The following PCDHA6 variants were observed in gnomAD, a reference collection of about 807,000 sequenced individuals.
The protein encoded by PCDHA6 is protocadherin alpha-6.
Under a neutral mutation model 60.3 loss-of-function variants are expected in PCDHA6, and 55 were observed. The ratio of observed to expected loss-of-function variants is 0.91; its 90% CI spans 0.73 to 1.14. PCDHA6 has a LOEUF of 1.14. Ranked by LOEUF, PCDHA6 falls within the 50% of genes most tolerant of loss-of-function variation. PCDHA6 has a pLI of 0.00. For missense variants in PCDHA6, 1,327 were observed against 1,256.5 expected, an observed-to-expected ratio of 1.06 and a Z score of -0.85; for synonymous variants, 652 against 557.9, an observed-to-expected ratio of 1.17 and a Z score of -2.38.
chr5:140,876,498 C>T, intron 1 of PCDHA6: 4 of 1,613,918 alleles, frequency 2.5e-6, no homozygotes, highest in Non-Finnish European at 2.5e-6. Flanking sequence ...AAGTTCTGGA[C>T]GTGAATGACA....
At chr5:140,903,454 A>G (rs1554190971) in intron 1 of PCDHA6, among the ~76,000 whole-genome samples, 1 of 152,208 alleles carries the variant, frequency 6.6e-6, no homozygotes, top group Non-Finnish European at 1.5e-5. Flanking sequence ...ATCTGATCAA[A>G]CTTAAAATAT....
intron 1 of PCDHA6, among the ~76,000 whole-genome samples, chr5:140,913,855 T>C (rs1554196077): frequency 6.6e-6 from 1 of 152,220 alleles, no homozygotes; most frequent in Admixed American, 6.5e-5. Context: ...TTCAGGAGCA[T>C]ATTGTTTAAT....
chr5:140,933,503 AAAGACT>A (rs2089194435), intron 1 of PCDHA6, among the ~76,000 whole-genome samples: 1 of 152,098 alleles, frequency 6.6e-6, no homozygotes, highest in Non-Finnish European at 1.5e-5. Flanking sequence ...ATTGTTAAGC[AAAGACT>A]ACAGCTGTTT....
intron 1 of PCDHA6, among the ~76,000 whole-genome samples, chr5:140,932,733 C>A (rs2088585680): frequency 1.3e-5 from 2 of 151,034 alleles, no homozygotes; most frequent in Admixed American, 6.6e-5. Context: ...TAATATAGAC[C>A]CTCAAATCAG....
intron 1 of PCDHA6, among the ~76,000 whole-genome samples, chr5:140,907,247 T>C (rs1328809549): frequency 1.3e-5 from 2 of 152,216 alleles, no homozygotes; most frequent in Non-Finnish European, 2.9e-5. Context: ...GACATTGTAA[T>C]TGTGACTTCA....
chr5:140,927,974 T>C (rs1554205324), intron 1 of PCDHA6: 3 of 1,614,098 alleles, frequency 1.9e-6, no homozygotes, highest in Non-Finnish European at 2.5e-6. Context: ...GTGATTGCTC[T>C]CTTTAGTGTA....
At chr5:140,838,075 ATAGTGTGTGTGTGT>A (rs1322257119) in intron 1 of PCDHA6, among the ~76,000 whole-genome samples, 7,901 of 128,220 alleles carry the variant, frequency 0.062, 356 homozygotes, top group Middle Eastern at 0.073. Flanking sequence ...TTATATATAT[ATAGTGTGTGTGTGT>A]GTGTGTGTGT....
chr5:140,994,608 G>A (rs1231327885), intron 3 of PCDHA6, among the ~76,000 whole-genome samples: 1 of 152,098 alleles, frequency 6.6e-6, no homozygotes, highest in African/African-American at 2.4e-5. Context: ...GGGAGGCTGA[G>A]GCACGAGAGT....
At chr5:140,894,042 C>T (rs1180138209) in intron 1 of PCDHA6, among the ~76,000 whole-genome samples, 2 of 152,078 alleles carry the variant, frequency 1.3e-5, no homozygotes, top group African/African-American at 2.4e-5. Context: ...TAATGTAAGT[C>T]CTCTGTTGAA....
At chr5:140,963,068 G>C (rs1472395054) in intron 1 of PCDHA6, among the ~76,000 whole-genome samples, 3 of 152,064 alleles carry the variant, frequency 2.0e-5, no homozygotes, top group African/African-American at 7.2e-5. Context: ...CATTGTGAAG[G>C]AGACAGAAAT....
rs2098417240 is a variant in PCDHA6 at position 141,010,418 on chromosome 5, G to A, written c.*481G>A. Reference sequence around the variant, plus strand: ...AGCCAGCTTAGACTAATTGGTACAAGGAAGGCAAGAAAACAAAGACAAATA... The same window carrying A: ...AGCCAGCTTAGACTAATTGGTACAAAGAAGGCAAGAAAACAAAGACAAATA... On this transcript the variant is annotated 3_prime_UTR_variant, in exon 4 of 4. Coordinates refer to ENST00000529310, the MANE Select transcript of PCDHA6 (RefSeq NM_018909.4). The A allele has an allele frequency of 3.4e-6, 4 of 1,168,142 alleles. No homozygotes were observed. The East Asian group carries it at 1.0e-4, about 30-fold the overall frequency. The allele number at this position is 1,168,142 out of a possible 1,614,324, so 72.4% of individuals were successfully genotyped here. A position where few individuals can be genotyped will look rare whatever the true frequency, so the allele number is the denominator to read the frequency against.
At chr5:140,840,358 G>A (rs1180450322) in intron 1 of PCDHA6, among the ~76,000 whole-genome samples, 1 of 151,928 alleles carries the variant, frequency 6.6e-6, no homozygotes, top group East Asian at 1.9e-4. Flanking sequence ...AGGTAAAAAT[G>A]TCAGGTAGAA....
intron 1 of PCDHA6, chr5:140,841,370 T>C: frequency 1.9e-6 from 3 of 1,613,492 alleles, no homozygotes; most frequent in South Asian, 1.1e-5. Flanking sequence ...ACTACTACTC[T>C]TGCTTCTGCT....
At chr5:140,833,462 C>A (rs1291648288) in intron 1 of PCDHA6, among the ~76,000 whole-genome samples, 3 of 152,102 alleles carry the variant, frequency 2.0e-5, no homozygotes, top group Non-Finnish European at 4.4e-5. Context: ...AATAAACTTA[C>A]ATTTTAAAAG....
At chr5:140,844,453 C>T (rs1452241460) in intron 1 of PCDHA6, among the ~76,000 whole-genome samples, 5 of 148,746 alleles carry the variant, frequency 3.4e-5, no homozygotes, top group Non-Finnish European at 7.5e-5. Context: ...TGTATTGTCG[C>T]CAACTTAACA....
intron 1 of PCDHA6, chr5:140,877,875 C>A: frequency 6.8e-7 from 1 of 1,475,090 alleles, no homozygotes; most frequent in Non-Finnish European, 9.0e-7. Context: ...TATTTGTTTC[C>A]TTGAAGAACT....
Position 140,871,448 on chromosome 5 carries a change from A to G in PCDHA6, c.2394+40963A>G, listed in dbSNP as rs2053088391. On this transcript the variant is annotated intron_variant, in intron 1 of 3. Transcript: ENST00000529310. ...AGTCTTCCTCTAGGTCTGAATAAAG[A>G]GGAGGAAGGGGAAAGACAGGAGCCA... 2 of 1,609,780 alleles carry G rather than the reference A, an allele frequency of 1.2e-6. No homozygotes were observed. Among genetic ancestry groups the G allele is most frequent in the African/African-American group, 2.7e-5 (2 of 74,984 alleles).
At position 140,830,183 on chromosome 5, in the gene PCDHA6, G is replaced by C; in HGVS notation, c.2092G>C (p.Val698Leu). ...GPEAALVDVN[V>L]YLIIAICAVS... is the part of the protein sequence containing the mutation. ...AGAGGCGGCGCTGGTGGATGTCAAC[G>C]TGTACCTGATCATCGCCATCTGCGC... The change falls in exon 1 of 4, where the codon GTG becomes CTG. Residue 698 changes from valine (V) to leucine (L), a missense_variant. Transcript: ENST00000529310. 6.2e-7 allele frequency: 1 copy of C among 1,613,640 alleles called. No individual in the cohort carries two copies. Among genetic ancestry groups the C allele is most frequent in the Non-Finnish European group, 8.5e-7 (1 of 1,179,902 alleles).
intron 1 of PCDHA6, among the ~76,000 whole-genome samples, chr5:140,911,609 C>T (rs1554194830): frequency 6.6e-6 from 1 of 152,170 alleles, no homozygotes; most frequent in Non-Finnish European, 1.5e-5. Flanking sequence ...TCATTATGTT[C>T]CTTAGTTCCC....
Sources: gnomAD v4.1 joint callset for allele counts (sites outside exome capture counted in the v4.1 genomes callset) on GRCh38, gnomAD v4.1.1 for gene constraint, MANE v1.5 for transcripts, NCBI Gene and HGNC (gene_info 2026-07-23, HGNC 2026-07-21) for gene names.